Variants in YTHDF1 observed in about 807,000 individuals in gnomAD.
YTHDF1 encodes the protein YTH N6-methyladenosine RNA binding protein F1.
YTHDF1 carries 16 observed loss-of-function variants against 49.1 expected under a neutral mutation model. The observed-to-expected ratio is 0.33, with a 90% CI of 0.22 to 0.49. YTHDF1 has a LOEUF of 0.49. YTHDF1 is among the 20% of genes least tolerant of loss of function. The probability of loss-of-function intolerance (pLI) is 0.99; values close to 1 mark genes in which losing one functional copy is unlikely to be tolerated. For missense variants in YTHDF1, 621 were observed against 744.3 expected (o/e 0.83, Z 1.93); for synonymous variants, 313 against 290.1 (o/e 1.08, Z -0.80).
At position 63,203,167 on chromosome 20, in the gene YTHDF1, C is replaced by G. The variant is rs777041954; in HGVS notation, c.773G>C (p.Gly258Ala). 6.2e-7 allele frequency: 1 copy of G among 1,613,728 alleles called. No homozygotes were observed. The highest frequency in any genetic ancestry group is 2.2e-5 in the East Asian group (1 of 44,888). The change falls in exon 4 of 5, where the codon GGT (glycine) becomes GCT (alanine). Residue 258 changes from glycine (G) to alanine (A), a missense_variant. Physicochemically the swap from Gly to Ala is moderately conservative, Grantham distance 60. Transcript: ENST00000370339. The surrounding 1 kb of genome is among the most constrained non-coding windows in gnomAD (Gnocchi z 4.4). ...MKTKSGPVMG[G>A]GLPPPPIKHN... ...CTTTATGGGTGGAGGGGGCAGCCCA[C>G]CCCCCATGACAGGCCCGCTCTTTGT...
At chr20:63,199,412 G>A (rs534517617) in intron 4 of YTHDF1, among the ~76,000 whole-genome samples, 2 of 152,138 alleles carry the variant, frequency 1.3e-5, no homozygotes, top group South Asian at 2.1e-4. Flanking sequence ...CCAGCTACCC[G>A]GGAGGCTGAG....
chr20:63,214,259 T>G (rs1440335750), intron 2 of YTHDF1: 1 of 398,548 alleles, frequency 2.5e-6, no homozygotes, highest in African/African-American at 2.2e-5. Flanking sequence ...AGAAGACTTA[T>G]GTGTGGCAAA....
rs143190669 is a variant in YTHDF1 at position 63,197,606 on chromosome 20, G to A, written c.1654-872C>T. ...GCTAGAGAGGTGTCCCAGGCCGAGT[G>A]TGGTGGCGCACCCTGTAATCCCAGC... On this transcript the variant is annotated intron_variant, in intron 4 of 4. Transcript: ENST00000370339. 3.6e-3 allele frequency among the ~76,000 whole-genome samples: 544 copies of A among 152,276 alleles called. 1 individual carries two copies. The highest frequency in any genetic ancestry group is 0.027 in the Middle Eastern group (8 of 294).
Position 63,211,977 on chromosome 20 carries a change from ACAC to A in YTHDF1, c.132+1884_132+1886del, listed in dbSNP as rs1400724213. ...CTCCAAAATACACACACACACACACACACACACACACACACACACACACACACA... is the reference window on the plus strand; with the variant it reads ...CTCCAAAATACACACACACACACACAACACACACACACACACACACACACA... On this transcript the variant is annotated intron_variant, in intron 3 of 4. Transcript: ENST00000370339. Among the ~76,000 whole-genome samples the A allele has an allele frequency of 4.9e-5, 5 of 102,700 alleles. 1 individual carries two copies. In the South Asian group the frequency reaches 1.9e-3, roughly 40 times the overall value. 67.4% of individuals were successfully genotyped at this position (102,700 alleles called of 152,430 possible).
rs1173301540 is a variant in YTHDF1 at position 63,195,566 on chromosome 20, C to G, written c.*1142G>C. ...TACAAGTCTAATGATACAGCTGAAA[C>G]GTTAACTCAGAGGGTCTTTTGGAGC... On this transcript the variant is annotated 3_prime_UTR_variant, in exon 5 of 5. Coordinates refer to ENST00000370339, the MANE Select transcript of YTHDF1 (RefSeq NM_017798.4). The G allele has an allele frequency of 6.6e-6, 1 of 152,606 alleles. No homozygotes were observed. Among genetic ancestry groups the G allele is most frequent in the Non-Finnish European group, 1.5e-5 (1 of 68,050 alleles). 9.5% of individuals were successfully genotyped at this position (152,606 alleles called of 1,614,324 possible).
intron 3 of YTHDF1, 139 bp downstream of exon 3, chr20:63,213,725 T>C (rs2066587174): frequency 4.0e-6 from 3 of 745,640 alleles, no homozygotes; most frequent in Non-Finnish European, 6.2e-6. Context: ...CACATCTTCA[T>C]GAGCAGTCTA....
intron 3 of YTHDF1, among the ~76,000 whole-genome samples, chr20:63,213,428 GTC>G (rs1003312523): frequency 2.0e-5 from 3 of 152,168 alleles, no homozygotes; most frequent in Non-Finnish European, 2.9e-5. Flanking sequence ...GTGAGACGCT[GTC>G]TCAAAAAAAG....
At chr20:63,206,986 C>G (rs2066549670) in intron 3 of YTHDF1, among the ~76,000 whole-genome samples, 1 of 152,004 alleles carries the variant, frequency 6.6e-6, no homozygotes, top group South Asian at 2.1e-4. Flanking sequence ...TTCGGGCTGC[C>G]TGGAAAACAC....
intron 2 of YTHDF1, among the ~76,000 whole-genome samples, 169 bp downstream of exon 2, chr20:63,215,408 T>C (rs2066596698): frequency 6.6e-6 from 1 of 152,184 alleles, no homozygotes; most frequent in Non-Finnish European, 1.5e-5. Flanking sequence ...GAGAAGCCCC[T>C]GTCTTCGACC....
chr20:63,213,045 TACAA>T (rs1023470235), intron 3 of YTHDF1, among the ~76,000 whole-genome samples: 182 of 152,328 alleles, frequency 1.2e-3, no homozygotes, highest in African/African-American at 4.1e-3. Context: ...CCAACAATTC[TACAA>T]ACAGTTACTA....
At chr20:63,215,258 G>A (rs946599664) in intron 2 of YTHDF1, among the ~76,000 whole-genome samples, 2 of 152,168 alleles carry the variant, frequency 1.3e-5, no homozygotes, top group African/African-American at 4.8e-5. Flanking sequence ...CCCCTGCTGG[G>A]CGGAAAAAGG....
rs997981521 is a variant in YTHDF1 at position 63,196,379 on chromosome 20, T to C, written c.*329A>G. 1 of 216,262 alleles carries C rather than the reference T, an allele frequency of 4.6e-6. No individual in the cohort carries two copies. The highest frequency in any genetic ancestry group is 9.1e-6 in the Non-Finnish European group (1 of 109,976). The allele number at this position is 216,262 out of a possible 1,614,324, so 13.4% of individuals were successfully genotyped here. A position where few individuals can be genotyped will look rare whatever the true frequency, so the allele number is the denominator to read the frequency against. ...ATAAAGGGATGAGAAATATGAAGTC[T>C]CACAGAATATCAAATGACTGAATTT... On this transcript the variant is annotated 3_prime_UTR_variant, in exon 5 of 5. Coordinates refer to ENST00000370339, the MANE Select transcript of YTHDF1 (RefSeq NM_017798.4).
Position 63,203,388 on chromosome 20 carries a change from C to A in YTHDF1, c.552G>T (p.Glu184Asp). 1 of 1,613,248 alleles carries A rather than the reference C, an allele frequency of 6.2e-7. No homozygotes were observed. The highest frequency in any genetic ancestry group is 8.5e-7 in the Non-Finnish European group (1 of 1,179,862). ...CAATCTTCAGGCCAACCATGCCCTG[C>A]TCCAGGCTGTTCATCCCGGGGGCCT... is the stretch of plus-strand genomic sequence containing the variant. Reference protein sequence around the residue: ...LSKAPGMNSLEQGMVGLKIGD... With the variant: ...LSKAPGMNSLDQGMVGLKIGD... Residue 184 changes from glutamate (E) to aspartate (D), a missense_variant, in exon 4 of 5, where the codon GAG becomes GAT. Physicochemically the swap from Glu to Asp is conservative, Grantham distance 45. Around this residue, in one of 2 missense-constraint regions of YTHDF1, gnomAD observed 470 missense variants for 495.8 expected, o/e 0.95. Transcript: ENST00000370339. This position sits in a 1 kb window ranked among gnomAD's most constrained non-coding sequence, Gnocchi z 4.4.
At chr20:63,215,503 G>T in intron 2 of YTHDF1, 74 bp downstream of exon 2, 1 of 1,597,804 alleles carries the variant, frequency 6.3e-7, no homozygotes. Context: ...GGTTCCAGAC[G>T]CAGCTTCCTG....
intron 3 of YTHDF1, among the ~76,000 whole-genome samples, chr20:63,212,940 A>C (rs1037107065): frequency 6.6e-5 from 10 of 152,244 alleles, no homozygotes; most frequent in Non-Finnish European, 1.3e-4. Context: ...AGAAAGCCTG[A>C]ATTACCTAAG....
rs915823566 is a variant in YTHDF1 at position 63,199,312 on chromosome 20, G to A, written c.1654-2578C>T. On this transcript the variant is annotated intron_variant, in intron 4 of 4. Transcript: ENST00000370339. Reference sequence around the variant, plus strand: ...AAGCGGGCGGATCACGAGGTCAGGAGATCGAGACCATCCTGGCTAACACGG... The same window carrying A: ...AAGCGGGCGGATCACGAGGTCAGGAAATCGAGACCATCCTGGCTAACACGG... Among the ~76,000 whole-genome samples the A allele has an allele frequency of 6.6e-5, 10 of 152,178 alleles. No homozygotes were observed. In the South Asian group the frequency reaches 2.1e-3, roughly 32 times the overall value.
rs1158439634 is a variant in YTHDF1, at chr20:63,213,874, T to G, written c.122A>C (p.Gln41Pro). 1 of 1,598,324 alleles carries G rather than the reference T, an allele frequency of 6.3e-7. No homozygotes were observed. Among genetic ancestry groups the G allele is most frequent in the Admixed American group, 1.8e-5 (1 of 54,912 alleles). ...DNDFEPYLTG[Q>P]SNQSNSYPSM... ...ACAAAATAAACTCACCTGATTTGACTGTCCAGTAAGGTAGGGCTCAAAGTC... is the reference window on the plus strand; with the variant it reads ...ACAAAATAAACTCACCTGATTTGACGGTCCAGTAAGGTAGGGCTCAAAGTC... Residue 41 changes from glutamine (Q) to proline (P), a missense_variant, in exon 3 of 5, where the codon CAG becomes CCG. This residue lies in a region of YTHDF1 where 470 missense variants were observed against 495.8 expected (regional missense o/e 0.95). Coordinates refer to ENST00000370339, the MANE Select transcript of YTHDF1 (RefSeq NM_017798.4).
In YTHDF1 at chr20:63,202,539, C is replaced by T. The variant is rs1759850920; in HGVS notation, c.1401G>A (p.Gln467=). The T allele has an allele frequency of 6.2e-7, 1 of 1,614,240 alleles. No individual in the cohort carries two copies. The highest frequency in any genetic ancestry group is 8.5e-7 in the Non-Finnish European group (1 of 1,180,040). The part of the protein sequence containing the change: ...DYGTSAGVWS[Q]DKWKGKFDVQ... Reference sequence around the variant, plus strand: ...CATCAAACTTCCCCTTCCACTTGTCCTGAGACCAGACCCCGGCACTGGTGC... The same window carrying T: ...CATCAAACTTCCCCTTCCACTTGTCTTGAGACCAGACCCCGGCACTGGTGC... Residue 467 remains glutamine (Q), a synonymous_variant, in exon 4 of 5, where the codon CAG becomes CAA. Coordinates refer to ENST00000370339, the MANE Select transcript of YTHDF1 (RefSeq NM_017798.4).
chr20:63,199,271 G>A (rs1297805852), intron 4 of YTHDF1, among the ~76,000 whole-genome samples: 1 of 152,136 alleles, frequency 6.6e-6, no homozygotes, highest in South Asian at 2.1e-4. Flanking sequence ...TGTAATCCCA[G>A]CACTTTGGGA....
Sources: gnomAD v4.1 joint callset for allele counts (sites outside exome capture counted in the v4.1 genomes callset) on GRCh38, gnomAD v4.1.1 for gene constraint, gnomAD v4.1.1 regional missense constraint, Gnocchi (gnomAD v3.1) non-coding constraint, MANE v1.5 for transcripts, NCBI Gene and HGNC (gene_info 2026-07-23, HGNC 2026-07-21) for gene names.